Variants in CPNE8 observed in about 807,000 individuals in gnomAD.
CPNE8 encodes the protein copine 8, also known as copine-8.
In CPNE8, 45 loss-of-function variants were observed where a neutral mutation model predicts 81.5. The observed-to-expected ratio is 0.55, with a 90% confidence interval of 0.44 to 0.71. CPNE8 has a LOEUF of 0.71. Ranked by LOEUF, CPNE8 falls within the 30% of genes least tolerant of loss-of-function variation. CPNE8 has a pLI of 0.00. For synonymous variants in CPNE8, 252 were observed against 226.3 expected (o/e 1.11, Z -1.02); for missense variants, 594 against 672.1 (o/e 0.88, Z 1.28).
At chr12:38,689,968 T>C (rs1216103861) in intron 15 of CPNE8, among the ~76,000 whole-genome samples, 1 of 152,200 alleles carries the variant, frequency 6.6e-6, no homozygotes, top group Non-Finnish European at 1.5e-5. Flanking sequence ...TCCTTTTCCT[T>C]TTCTCATAGT....
chr12:38,734,143 A>G (rs1940900202), intron 10 of CPNE8, among the ~76,000 whole-genome samples: 1 of 152,026 alleles, frequency 6.6e-6, no homozygotes, highest in Admixed American at 6.6e-5. Flanking sequence ...TTTTGAAGGC[A>G]AGAAAGGTAT....
At chr12:38,752,908 T>C (rs1443364242) in intron 10 of CPNE8, among the ~76,000 whole-genome samples, 1 of 152,180 alleles carries the variant, frequency 6.6e-6, no homozygotes, top group Non-Finnish European at 1.5e-5. Flanking sequence ...ATTATCGGTA[T>C]TTAGATATGG....
intron 7 of CPNE8, among the ~76,000 whole-genome samples, chr12:38,770,470 CTT>C (rs1941779065): frequency 6.6e-6 from 1 of 152,230 alleles, no homozygotes; most frequent in Admixed American, 6.5e-5. Context: ...CACTTCGACT[CTT>C]TGATGTATCC....
chr12:38,658,590 A>T (rs984108549), intron 19 of CPNE8, among the ~76,000 whole-genome samples: 2 of 152,206 alleles, frequency 1.3e-5, no homozygotes, highest in Admixed American at 6.5e-5. Flanking sequence ...CCCAAGACAT[A>T]TAATTGTCAG....
upstream of CPNE8, chr12:38,905,955 G>T (rs553112303): frequency 5.1e-6 from 5 of 985,394 alleles, no homozygotes; most frequent in South Asian, 2.3e-4. Context: ...CGTGCTTTTA[G>T]GTTTTGTCTC....
intron 5 of CPNE8, among the ~76,000 whole-genome samples, chr12:38,834,281 C>G (rs10876149): frequency 0.24 from 36,296 of 152,034 alleles, 5,458 homozygotes; most frequent in Non-Finnish European, 0.33. Flanking sequence ...CAAACACTGC[C>G]TAATCAATAT....
intron 13 of CPNE8, among the ~76,000 whole-genome samples, chr12:38,713,788 A>G (rs963654234): frequency 6.6e-6 from 1 of 152,064 alleles, no homozygotes; most frequent in Non-Finnish European, 1.5e-5. Context: ...GGAAATTAGT[A>G]TAAGCTCACC....
chr12:38,670,835 C>T, intron 18 of CPNE8, 33 bp from the exon 19 acceptor site: 2 of 1,486,314 alleles, frequency 1.3e-6, no homozygotes, highest in Non-Finnish European at 1.9e-6. Flanking sequence ...TTATTCAGTA[C>T]ATTTTAGCCA....
At chr12:38,884,829 A>T (rs778490294) in intron 1 of CPNE8, among the ~76,000 whole-genome samples, 1 of 152,178 alleles carries the variant, frequency 6.6e-6, no homozygotes, top group Non-Finnish European at 1.5e-5. Context: ...TCGTGTTGAT[A>T]AAGGGTAAAG....
At chr12:38,867,815 A>G (rs1943937900) in intron 3 of CPNE8, among the ~76,000 whole-genome samples, 1 of 152,192 alleles carries the variant, frequency 6.6e-6, no homozygotes, top group Admixed American at 6.5e-5. Context: ...TGAAATTACT[A>G]CACACTAAAA....
At chr12:38,847,415 CTT>C (rs899648364) in intron 4 of CPNE8, among the ~76,000 whole-genome samples, 1 of 152,134 alleles carries the variant, frequency 6.6e-6, no homozygotes, top group Non-Finnish European at 1.5e-5. Flanking sequence ...TACTACATGA[CTT>C]ATATCTGTTT....
chr12:38,835,479 T>A (rs1032167583), intron 5 of CPNE8, among the ~76,000 whole-genome samples: 1 of 152,312 alleles, frequency 6.6e-6, no homozygotes, highest in East Asian at 1.9e-4. Flanking sequence ...TTACCTCACC[T>A]CTTCAATTCC....
Position 38,706,972 on chromosome 12 carries a change from A to G in CPNE8, c.915-4051T>C, listed in dbSNP as rs1030544440. 2.6e-5 allele frequency among the ~76,000 whole-genome samples: 4 copies of G among 152,186 alleles called. No homozygotes were observed. In the South Asian group the frequency reaches 8.3e-4, roughly 31 times the overall value. On this transcript the variant is annotated intron_variant, in intron 13 of 19. Transcript: ENST00000331366. Reference sequence around the variant, plus strand: ...AGTTGTCCCTACCAAAGCTACAAAGAAAAGTTATGGCTATTTGCTAAAGAA... The same window carrying G: ...AGTTGTCCCTACCAAAGCTACAAAGGAAAGTTATGGCTATTTGCTAAAGAA...
At chr12:38,722,262 A>G (rs1426000925) in intron 13 of CPNE8, among the ~76,000 whole-genome samples, 3 of 152,218 alleles carry the variant, frequency 2.0e-5, no homozygotes, top group African/African-American at 7.2e-5. Context: ...TGGAATACTA[A>G]GAGTTGGCAA....
intron 14 of CPNE8, 97 bp from the exon 15 acceptor site, chr12:38,693,935 T>C: frequency 2.9e-6 from 3 of 1,029,038 alleles, no homozygotes; most frequent in Non-Finnish European, 4.1e-6. Flanking sequence ...ATATTCAAAA[T>C]TATGTTTTTC....
chr12:38,702,286 C>G (rs955457924), intron 14 of CPNE8, among the ~76,000 whole-genome samples: 17 of 152,060 alleles, frequency 1.1e-4, no homozygotes, highest in African/African-American at 3.9e-4. Flanking sequence ...AGCCCACTAT[C>G]TTTTTTTCTT....
chr12:38,892,081 G>A (rs1026118758), intron 1 of CPNE8, among the ~76,000 whole-genome samples: 2 of 152,182 alleles, frequency 1.3e-5, no homozygotes, highest in African/African-American at 4.8e-5. Flanking sequence ...ATTGCACTGA[G>A]TGAGGTAAAT....
intron 3 of CPNE8, among the ~76,000 whole-genome samples, chr12:38,859,219 T>C (rs902830967): frequency 8.6e-5 from 13 of 151,718 alleles, no homozygotes; most frequent in African/African-American, 3.1e-4. Flanking sequence ...CCACAAAAAC[T>C]GTTAGAAATA....
At position 38,829,371 on chromosome 12, in the gene CPNE8, A is replaced by C. The variant is rs1329987334; in HGVS notation, c.407+8T>G. The C allele has an allele frequency of 6.3e-7, 1 of 1,590,530 alleles. No homozygotes were observed. Among genetic ancestry groups the C allele is most frequent in the East Asian group, 2.2e-5 (1 of 44,730 alleles). On this transcript the variant is annotated splice_region_variant and intron_variant, in intron 6 of 19. Coordinates refer to ENST00000331366, the MANE Select transcript of CPNE8 (RefSeq NM_153634.3). Reference sequence around the variant, plus strand: ...GGCATTTCATTGTCTGAATTAAAAAATACTTACACTATTGGTTTTTCCAGG... The same window carrying C: ...GGCATTTCATTGTCTGAATTAAAAACTACTTACACTATTGGTTTTTCCAGG...
Sources: allele counts gnomAD v4.1 joint callset (sites outside exome capture counted in the v4.1 genomes callset), GRCh38; gene constraint gnomAD v4.1.1; transcripts MANE v1.5; gene names NCBI Gene and HGNC (gene_info 2026-07-23, HGNC 2026-07-21).